MSH3: variants seen among roughly 807,000 people sequenced by gnomAD.
MSH3 encodes DNA mismatch repair protein Msh3.
A neutral mutation model predicts 123.3 loss-of-function variants in MSH3; 106 were observed. The observed-to-expected ratio is 0.86, with a 90% confidence interval of 0.73 to 1.01. MSH3 has a LOEUF of 1.01. MSH3 is among the 50% of genes least tolerant of loss of function. The pLI, the probability that MSH3 is intolerant of heterozygous loss-of-function variation, is 0.00. For synonymous variants in MSH3, 515 were observed against 481.4 expected, an observed-to-expected ratio of 1.07 and a Z score of -0.91; for missense variants, 1,459 against 1,347.6, an observed-to-expected ratio of 1.08 and a Z score of -1.29.
chr5:80,863,964 G>A (rs941657296), intron 21 of MSH3, among the ~76,000 whole-genome samples: 3 of 152,146 alleles, frequency 2.0e-5, no homozygotes, highest in African/African-American at 7.2e-5. Context: ...GATCTGGAAA[G>A]GAAGGAAAAC....
chr5:80,846,872 AG>A (rs1319503072), intron 20 of MSH3, among the ~76,000 whole-genome samples: 1 of 152,158 alleles, frequency 6.6e-6, no homozygotes, highest in Admixed American at 6.5e-5. Context: ...TGCACTTCCC[AG>A]GTGAGGCAAC....
At chr5:80,663,802 GC>G (rs1749501418) in intron 2 of MSH3, among the ~76,000 whole-genome samples, 1 of 152,010 alleles carries the variant, frequency 6.6e-6, no homozygotes, top group Non-Finnish European at 1.5e-5. Context: ...AGCAACAAAA[GC>G]AGAGATTTAT....
intron 22 of MSH3, among the ~76,000 whole-genome samples, chr5:80,866,666 G>T (rs1746103452): frequency 1.3e-5 from 2 of 152,222 alleles, no homozygotes; most frequent in African/African-American, 2.4e-5. Context: ...TGTGTTAATT[G>T]AGAATCTTCA....
At chr5:80,690,363 A>G (rs1750201002) in intron 8 of MSH3, among the ~76,000 whole-genome samples, 1 of 152,150 alleles carries the variant, frequency 6.6e-6, no homozygotes, top group South Asian at 2.1e-4. Context: ...ACTGGAGTGC[A>G]GTGGCACAAT....
chr5:80,814,384 G>A lies in MSH3; in HGVS notation c.2813+643G>A, dbSNP rs533435293. 8.5e-5 allele frequency among the ~76,000 whole-genome samples: 13 copies of A among 152,226 alleles called. No homozygotes were observed. The South Asian group carries it at 2.3e-3, about 27-fold the overall frequency. ...CCTCCCCAGTTCAAGCTATTCTCCT[G>A]CCTCAGCCTCCTGAATAGCTGGGAT... is the stretch of plus-strand genomic sequence containing the variant. On this transcript the variant is annotated intron_variant, in intron 20 of 23. Transcript: ENST00000265081.
chr5:80,816,434 T>C (rs976300421), intron 20 of MSH3, among the ~76,000 whole-genome samples: 3 of 152,142 alleles, frequency 2.0e-5, no homozygotes, highest in Admixed American at 1.3e-4. Flanking sequence ...ATAAAAAACA[T>C]AGACAATGAG....
At chr5:80,744,154 A>T (rs1474689758) in intron 11 of MSH3, among the ~76,000 whole-genome samples, 1 of 152,210 alleles carries the variant, frequency 6.6e-6, no homozygotes, top group Non-Finnish European at 1.5e-5. Context: ...TAAAATGGTA[A>T]CTGTGAAATA....
At chr5:80,819,040 C>T (rs1466452929) in intron 20 of MSH3, among the ~76,000 whole-genome samples, 3 of 151,506 alleles carry the variant, frequency 2.0e-5, no homozygotes, top group Non-Finnish European at 4.4e-5. Context: ...CTTTGTGTTC[C>T]ACATCATGGC....
intron 20 of MSH3, among the ~76,000 whole-genome samples, chr5:80,844,073 T>C (rs985971613): frequency 2.0e-5 from 3 of 152,216 alleles, no homozygotes; most frequent in Admixed American, 6.5e-5. Context: ...GCTTTAAATG[T>C]GTCCCAGAGA....
intron 19 of MSH3, among the ~76,000 whole-genome samples, chr5:80,797,954 CTCTT>C (rs1744727103): frequency 6.6e-6 from 1 of 152,002 alleles, no homozygotes; most frequent in Admixed American, 6.5e-5. Flanking sequence ...AACCAAATGA[CTCTT>C]TTTTTTTTAG....
intron 10 of MSH3, among the ~76,000 whole-genome samples, chr5:80,735,108 G>T (rs1217992379): frequency 1.3e-5 from 2 of 152,186 alleles, no homozygotes; most frequent in African/African-American, 4.8e-5. Context: ...TACCGGCCAG[G>T]TGTGGTGGCT....
At position 80,656,542 on chromosome 5, in the gene MSH3, G is replaced by T; in HGVS notation, c.358+11G>T. The T allele has an allele frequency of 6.2e-7, 1 of 1,614,016 alleles. No individual in the cohort carries two copies. The highest frequency in any genetic ancestry group is 1.1e-5 in the South Asian group (1 of 91,062). On this transcript the variant is annotated intron_variant, in intron 2 of 23. Transcript: ENST00000265081. ...TGTCTGGCAACTCTGGTGAGTTGTG[G>T]GGGATTCTTTTTTCTCCTCAGTCAT...
chr5:80,867,251 C>G (rs1471250996), intron 22 of MSH3, among the ~76,000 whole-genome samples: 2 of 152,182 alleles, frequency 1.3e-5, no homozygotes, highest in African/African-American at 4.8e-5. Flanking sequence ...TTTGTAATTC[C>G]CAGGCTCTGT....
At chr5:80,739,019 A>C (rs1050096261) in intron 10 of MSH3, among the ~76,000 whole-genome samples, 1 of 152,200 alleles carries the variant, frequency 6.6e-6, no homozygotes, top group Admixed American at 6.5e-5. Context: ...CAGCCTCCAG[A>C]ACTCTGAGCA....
At chr5:80,720,708 G>GT (rs1387021746) in intron 8 of MSH3, among the ~76,000 whole-genome samples, 2 of 151,756 alleles carry the variant, frequency 1.3e-5, no homozygotes, top group African/African-American at 4.8e-5. Flanking sequence ...ATGTTATTAT[G>GT]TTTTTTCTTT....
intron 20 of MSH3, among the ~76,000 whole-genome samples, chr5:80,817,892 TATG>T (rs1282394884): frequency 6.6e-6 from 1 of 152,130 alleles, no homozygotes; most frequent in Non-Finnish European, 1.5e-5. Flanking sequence ...TGTGACAACT[TATG>T]ATGTCTTCTG....
At chr5:80,808,637 A>G (rs751607708) in intron 19 of MSH3, among the ~76,000 whole-genome samples, 3 of 152,000 alleles carry the variant, frequency 2.0e-5, no homozygotes, top group Admixed American at 1.3e-4. Flanking sequence ...TGATTTTTGT[A>G]TATCAATTAC....
intron 17 of MSH3, among the ~76,000 whole-genome samples, chr5:80,781,220 G>C (rs1744404149): frequency 6.6e-6 from 1 of 151,874 alleles, no homozygotes; most frequent in African/African-American, 2.4e-5. Context: ...TTTTTCCTTA[G>C]TATTACCACT....
intron 8 of MSH3, among the ~76,000 whole-genome samples, chr5:80,681,931 T>G (rs1445019516): frequency 6.6e-6 from 1 of 152,228 alleles, no homozygotes; most frequent in African/African-American, 2.4e-5. Context: ...TTACCAAATT[T>G]AATGCCTGCT....
Sources: allele counts gnomAD v4.1 joint callset (sites outside exome capture counted in the v4.1 genomes callset), GRCh38; gene constraint gnomAD v4.1.1; transcripts MANE v1.5; gene names NCBI Gene and HGNC (gene_info 2026-07-23, HGNC 2026-07-21).